FGF13: variants seen among roughly 807,000 people sequenced by gnomAD.
FGF13 encodes fibroblast growth factor 13.
A neutral mutation model predicts 19.5 loss-of-function variants in FGF13; 2 were observed. The ratio of observed to expected loss-of-function variants is 0.10; its 90% CI spans 0.04 to 0.32. FGF13 has a LOEUF of 0.32. Ranked by LOEUF, FGF13 falls within the 10% of genes least tolerant of loss-of-function variation. The pLI is 1.00. For missense variants in FGF13, 113 were observed against 192.7 expected (o/e 0.59, Z 2.45); for synonymous variants, 72 against 76.9 (o/e 0.94, Z 0.33).
intron 1 of FGF13, among the ~76,000 whole-genome samples, chrX:138,953,108 G>A (rs1440727462): frequency 9.0e-6 from 1 of 111,153 alleles, no homozygotes; most frequent in Non-Finnish European, 1.9e-5. Flanking sequence ...AAATCATGCT[G>A]CTATAAAGAC....
At chrX:138,742,417 T>C (rs1371495522), upstream of FGF13, among the ~76,000 whole-genome samples, 3 of 111,728 alleles carry the variant, frequency 2.7e-5, no homozygotes, top group African/African-American at 9.8e-5. Flanking sequence ...TTAATCCAGA[T>C]AGTGTAAATA....
At chrX:139,093,009 A>G (rs1189030367) in intron 1 of FGF13, among the ~76,000 whole-genome samples, 1 of 108,932 alleles carries the variant, frequency 9.2e-6, no homozygotes, top group Non-Finnish European at 1.9e-5. Context: ...AAGACTAAAA[A>G]TGGAACCACC....
At chrX:139,051,958 T>C (rs1049240494) in intron 1 of FGF13, among the ~76,000 whole-genome samples, 9 of 112,695 alleles carry the variant, frequency 8.0e-5, no homozygotes, top group African/African-American at 2.9e-4. Context: ...AAGCTTTAGT[T>C]CTAACAATTA....
intron 3 of FGF13, among the ~76,000 whole-genome samples, chrX:138,750,722 T>G (rs5929946): frequency 0.16 from 17,872 of 110,445 alleles, 1,123 homozygotes; most frequent in South Asian, 0.23. Context: ...GTGAAGATAA[T>G]CTAAAAGTAG....
At chrX:139,109,415 T>C (rs1050398585) in intron 1 of FGF13, among the ~76,000 whole-genome samples, 1 of 111,908 alleles carries the variant, frequency 8.9e-6, no homozygotes, top group Non-Finnish European at 1.9e-5. Flanking sequence ...GTATCTGCAG[T>C]ATGTTTTTGG....
chrX:139,193,944 T>A (rs1201929284), intron 1 of FGF13, among the ~76,000 whole-genome samples: 2 of 111,915 alleles, frequency 1.8e-5, no homozygotes, highest in African/African-American at 6.5e-5. Context: ...ATTTGGTATT[T>A]ACAGATTTAT....
intron 1 of FGF13, among the ~76,000 whole-genome samples, chrX:139,169,757 GC>G (rs1434636813): frequency 9.0e-6 from 1 of 111,508 alleles, no homozygotes; most frequent in African/African-American, 3.3e-5. Context: ...TCATCAGTGA[GC>G]CACCAGGATC....
At chrX:138,773,461 C>T (rs1462784103) in intron 3 of FGF13, among the ~76,000 whole-genome samples, 1 of 112,106 alleles carries the variant, frequency 8.9e-6, no homozygotes, top group Non-Finnish European at 1.9e-5. Flanking sequence ...GACGTTTTTA[C>T]AACATAGTAA....
In FGF13 at chrX:138,682,469, C is replaced by T. The variant is rs916770478; in HGVS notation, c.402+20515G>A. Among the ~76,000 whole-genome samples, 3 of 111,310 alleles carry T rather than the reference C, an allele frequency of 2.7e-5. No homozygotes were observed. In the Admixed American group the frequency reaches 2.9e-4, roughly 11 times the overall value. On this transcript the variant is annotated intron_variant, in intron 3 of 4. Transcript: ENST00000315930. ...TCAGAGGGGTGTGTGTGTGTGTGTG[C>T]GTGCGTGTGCGCACCTTTGTTTAAT...
intron 3 of FGF13, among the ~76,000 whole-genome samples, chrX:138,780,039 C>A (rs2090625745): frequency 9.9e-6 from 1 of 101,088 alleles, no homozygotes; most frequent in African/African-American, 3.6e-5. Flanking sequence ...AATTTTCAAC[C>A]CAGAATTTCA....
chrX:139,122,510 T>C (rs1408236714), intron 1 of FGF13, among the ~76,000 whole-genome samples: 5 of 111,813 alleles, frequency 4.5e-5, no homozygotes, highest in Admixed American at 9.5e-5. Flanking sequence ...TTCTCACTCA[T>C]CTTATTCAAC....
chrX:138,768,065 C>A (rs2090515002), intron 3 of FGF13, among the ~76,000 whole-genome samples: 1 of 111,900 alleles, frequency 8.9e-6, no homozygotes, highest in African/African-American at 3.2e-5. Flanking sequence ...TAGGACTTGG[C>A]CCTTAGCCCT....
intron 1 of FGF13, among the ~76,000 whole-genome samples, chrX:139,011,131 A>T (rs1052125628): frequency 3.0e-4 from 33 of 111,213 alleles, no homozygotes; most frequent in African/African-American, 1.1e-3. Flanking sequence ...GAACAGACCA[A>T]TAGCAAGCAG....
chrX:138,710,771 C>CT lies in FGF13; in HGVS notation c.187+45dup, dbSNP rs774704807. 5.0e-6 allele frequency: 6 copies of CT among 1,199,040 alleles called. No homozygotes were observed. In the East Asian group the frequency reaches 1.8e-4, roughly 36 times the overall value. ...CATACCTGCTCCCCACCGCCCCCAC[C>CT]TCACTCGTAAAGTATGGGGAAAAGA... On this transcript the variant is annotated intron_variant, in intron 1 of 4. Coordinates refer to ENST00000315930, the MANE Select transcript of FGF13 (RefSeq NM_004114.5).
intron 1 of FGF13, among the ~76,000 whole-genome samples, chrX:139,004,356 C>G (rs2124365436): frequency 8.9e-6 from 1 of 112,942 alleles, no homozygotes; most frequent in African/African-American, 3.2e-5. Flanking sequence ...ACCCGGAACT[C>G]CAGCTGGCCG....
At chrX:138,701,533 T>C (rs2089946021) in intron 3 of FGF13, among the ~76,000 whole-genome samples, 1 of 112,502 alleles carries the variant, frequency 8.9e-6, no homozygotes, top group Admixed American at 9.4e-5. Context: ...AACCCCCATA[T>C]TTATTAAGCA....
chrX:138,916,986 C>G (rs1303830645), intron 1 of FGF13, among the ~76,000 whole-genome samples: 1 of 111,602 alleles, frequency 9.0e-6, no homozygotes, highest in Non-Finnish European at 1.9e-5. Flanking sequence ...AGAGAGGGAA[C>G]AGCAAGATAG....
intron 2 of FGF13, among the ~76,000 whole-genome samples, chrX:138,863,930 C>T (rs1199526165): frequency 8.9e-6 from 1 of 112,085 alleles, no homozygotes; most frequent in Non-Finnish European, 1.9e-5. Context: ...TTTCTCAACA[C>T]TGGAACTTTT....
chrX:139,123,330 C>A (rs2083691830), intron 1 of FGF13, among the ~76,000 whole-genome samples: 1 of 111,940 alleles, frequency 8.9e-6, no homozygotes, highest in Admixed American at 9.5e-5. Flanking sequence ...TTACAAGACC[C>A]TACAAGATCT....
Sources: gnomAD v4.1 joint callset for allele counts (sites outside exome capture counted in the v4.1 genomes callset) on GRCh38, gnomAD v4.1.1 for gene constraint, MANE v1.5 for transcripts, NCBI Gene and HGNC (gene_info 2026-07-23, HGNC 2026-07-21) for gene names.